RRM2B: variants seen among roughly 807,000 people sequenced by gnomAD.
RRM2B encodes ribonucleoside-diphosphate reductase subunit M2 B.
A neutral mutation model predicts 45.9 loss-of-function variants in RRM2B; 20 were observed. That is an observed-to-expected ratio of 0.44 (90% CI 0.31 to 0.63). RRM2B has a LOEUF of 0.63. Among genes scored for constraint, RRM2B ranks in the 30% least tolerant of loss-of-function variants. The pLI is 0.09. For synonymous variants in RRM2B, 124 were observed against 132.3 expected, an observed-to-expected ratio of 0.94 and a Z score of 0.43; for missense variants, 320 against 414.7, an observed-to-expected ratio of 0.77 and a Z score of 1.98.
intron 2 of RRM2B, among the ~76,000 whole-genome samples, chr8:102,228,948 T>A (rs1445596072): frequency 6.6e-6 from 1 of 152,232 alleles, no homozygotes; most frequent in Non-Finnish European, 1.5e-5. Context: ...CTTTTGCCTT[T>A]CTTTTATTTA....
chr8:102,221,412 A>C (rs1436460254), intron 5 of RRM2B, among the ~76,000 whole-genome samples: 4 of 152,198 alleles, frequency 2.6e-5, no homozygotes, highest in Non-Finnish European at 5.9e-5. Flanking sequence ...AGAGCTACTA[A>C]TGGTGCAGGT....
intron 2 of RRM2B, among the ~76,000 whole-genome samples, chr8:102,231,371 G>C (rs903653612): frequency 6.6e-6 from 1 of 152,174 alleles, no homozygotes; most frequent in African/African-American, 2.4e-5. Flanking sequence ...TGGCTGACTC[G>C]GGAGTGAGTC....
At chr8:102,220,814 A>G (rs1239387692) in intron 5 of RRM2B, among the ~76,000 whole-genome samples, 1 of 152,258 alleles carries the variant, frequency 6.6e-6, no homozygotes, top group African/African-American at 2.4e-5. Flanking sequence ...ATAGAAGGCT[A>G]TTCTTTTTTG....
chr8:102,204,588 T>C lies in RRM2B; in HGVS notation c.*3545A>G, dbSNP rs1563656951. On this transcript the variant is annotated 3_prime_UTR_variant, in exon 9 of 9. Transcript: ENST00000251810. ...AAGGAAATGTACAAAATGATGAAGA[T>C]ACCATAGTTTATTTCAACATACTAA... 2 of 151,646 alleles carry C rather than the reference T, an allele frequency of 1.3e-5. No homozygotes were observed. The highest frequency in any genetic ancestry group is 1.5e-5 in the Non-Finnish European group (1 of 67,890). 9.4% of individuals were successfully genotyped at this position (151,646 alleles called of 1,614,324 possible).
chr8:102,237,571 A>C (rs1031685071), intron 1 of RRM2B, among the ~76,000 whole-genome samples: 7 of 152,242 alleles, frequency 4.6e-5, no homozygotes, highest in African/African-American at 1.7e-4. Flanking sequence ...TCTCAAGTTA[A>C]AAACTTTTGG....
In RRM2B at chr8:102,238,599, G is replaced by A. The variant is rs752647130; in HGVS notation, c.48+228C>T. ...CCAAGCGTCGTCCTTGGCTGGCCCCGGGGCAGAGCAGCGAGCGGGACGCAA... is the reference window on the plus strand; with the variant it reads ...CCAAGCGTCGTCCTTGGCTGGCCCCAGGGCAGAGCAGCGAGCGGGACGCAA... On this transcript the variant is annotated intron_variant, in intron 1 of 8. Transcript: ENST00000251810. 26 of 1,526,984 alleles carry A rather than the reference G, an allele frequency of 1.7e-5. No homozygotes were observed. The highest frequency in any genetic ancestry group is 2.3e-5 in the Non-Finnish European group (26 of 1,141,682). The allele number at this position is 1,526,984 out of a possible 1,614,324, so 94.6% of individuals were successfully genotyped here.
At position 102,232,173 on chromosome 8, in the gene RRM2B, C is replaced by T; in HGVS notation, c.180G>A (p.Gln60=). 6.2e-7 allele frequency: 1 copy of T among 1,614,154 alleles called. No individual in the cohort carries two copies. The highest frequency in any genetic ancestry group is 8.5e-7 in the Non-Finnish European group (1 of 1,180,002). Residue 60 remains glutamine (Q), a synonymous_variant, in exon 2 of 9, where the codon CAG becomes CAA. Transcript: ENST00000251810. ...CCTCTTCTGCTGTCCAGAAGGAAGC[C>T]TGTGCCTGTTTATACATTTTCCAAA... ...PDIWKMYKQA[Q]ASFWTAEEVD...
intron 2 of RRM2B, among the ~76,000 whole-genome samples, chr8:102,231,404 T>C (rs879170848): frequency 6.6e-6 from 1 of 152,206 alleles, no homozygotes; most frequent in Admixed American, 6.5e-5. Flanking sequence ...GATCAAACTC[T>C]TCATGCAGCG....
intron 2 of RRM2B, among the ~76,000 whole-genome samples, chr8:102,231,764 G>C (rs1811032420): frequency 6.6e-6 from 1 of 150,960 alleles, no homozygotes; most frequent in East Asian, 1.9e-4. Context: ...AACTACTCAG[G>C]AAGCTGAGGC....
chr8:102,221,952 T>C (rs1324539851), intron 5 of RRM2B, among the ~76,000 whole-genome samples: 1 of 152,190 alleles, frequency 6.6e-6, no homozygotes, highest in Non-Finnish European at 1.5e-5. Flanking sequence ...GAATACAAAA[T>C]GCAGATTCCT....
chr8:102,207,955 C>G lies in RRM2B; in HGVS notation c.*178G>C, dbSNP rs1480554410. On this transcript the variant is annotated 3_prime_UTR_variant, in exon 9 of 9. Transcript: ENST00000251810. Reference sequence around the variant, plus strand: ...ACAAGACAAAAGCATTTAGGTCACACTCTTGTTGTTAAACAGGAAAATTAT... The same window carrying G: ...ACAAGACAAAAGCATTTAGGTCACAGTCTTGTTGTTAAACAGGAAAATTAT... 6 of 573,314 alleles carry G rather than the reference C, an allele frequency of 1.0e-5. No homozygotes were observed. Among genetic ancestry groups the G allele is most frequent in the Non-Finnish European group, 1.8e-5 (6 of 324,864 alleles). The allele number at this position is 573,314 out of a possible 1,614,324, so 35.5% of individuals were successfully genotyped here. A position where few individuals can be genotyped will look rare whatever the true frequency, so the allele number is the denominator to read the frequency against.
intron 5 of RRM2B, among the ~76,000 whole-genome samples, chr8:102,221,116 AAAATTAAAC>A (rs1810828298): frequency 6.6e-6 from 1 of 152,192 alleles, no homozygotes; most frequent in Non-Finnish European, 1.5e-5. Context: ...AGATATTTTA[AAAATTAAAC>A]AGGATGTCTC....
intron 2 of RRM2B, among the ~76,000 whole-genome samples, chr8:102,228,682 A>C (rs943747891): frequency 6.6e-6 from 1 of 152,222 alleles, no homozygotes; most frequent in Non-Finnish European, 1.5e-5. Context: ...GCCGGTGCCC[A>C]AAAGAATTCA....
At chr8:102,237,468 AT>A (rs1217336464) in intron 1 of RRM2B, among the ~76,000 whole-genome samples, 1 of 152,196 alleles carries the variant, frequency 6.6e-6, no homozygotes, top group Non-Finnish European at 1.5e-5. Context: ...AGCAATTTAC[AT>A]TTTTTACAAA....
In RRM2B at chr8:102,230,200, C is replaced by A. The variant is rs1012782865; in HGVS notation, c.204+1949G>T. ...GCCATATTTAAGAATTAAGCTCAAC[C>A]ATTTAAGCTGACTAAATGGTAACTT... is the stretch of plus-strand genomic sequence containing the variant. On this transcript the variant is annotated intron_variant, in intron 2 of 8. Transcript: ENST00000251810. 2.6e-5 allele frequency among the ~76,000 whole-genome samples: 4 copies of A among 152,162 alleles called. No individual in the cohort carries two copies. The East Asian group carries it at 5.8e-4, about 22-fold the overall frequency.
intron 7 of RRM2B, among the ~76,000 whole-genome samples, 199 bp from the exon 8 acceptor site, chr8:102,213,088 GT>G (rs746370799): frequency 3.3e-5 from 5 of 152,030 alleles, no homozygotes; most frequent in Non-Finnish European, 5.9e-5. Context: ...ATTTTTTCAT[GT>G]TTTCGAAGAG....
chr8:102,207,211 G>A lies in RRM2B; in HGVS notation c.*922C>T, dbSNP rs769567494. ...CTGACTGTACTTGCTAAAGAAGAATGAAGTGTTCAGCATTTCCCAAACTCA... is the reference window on the plus strand; with the variant it reads ...CTGACTGTACTTGCTAAAGAAGAATAAAGTGTTCAGCATTTCCCAAACTCA... On this transcript the variant is annotated 3_prime_UTR_variant, in exon 9 of 9. Transcript: ENST00000251810. 6.6e-6 allele frequency: 1 copy of A among 152,176 alleles called. No individual in the cohort carries two copies. Among genetic ancestry groups the A allele is most frequent in the Non-Finnish European group, 1.5e-5 (1 of 68,018 alleles). 9.4% of individuals were successfully genotyped at this position (152,176 alleles called of 1,614,324 possible).
chr8:102,225,095 A>T (rs1810907332), intron 3 of RRM2B, 77 bp from the exon 4 acceptor site: 2 of 1,504,220 alleles, frequency 1.3e-6, no homozygotes, highest in African/African-American at 1.4e-5. Flanking sequence ...TCTGGACATC[A>T]GCATTATCGC....
At position 102,224,925 on chromosome 8, in the gene RRM2B, T is replaced by C. The variant is rs747351012; in HGVS notation, c.415A>G (p.Ser139Gly). ...CTGATGTAAGTGTCTATCAGCAAAC[T>C]GTACATCTCTGAGTGAACATTCTCG... ...LIENVHSEMY[S>G]LLIDTYIRDP... Residue 139 changes from serine (S) to glycine (G), a missense_variant, in exon 4 of 9, where the codon AGT (serine) becomes GGT (glycine). Ser to Gly is a moderately conservative substitution (Grantham distance 56, BLOSUM62 0). Around this residue, in one of 3 missense-constraint regions of RRM2B, gnomAD observed 225 missense variants for 289.4 expected, o/e 0.78. Coordinates refer to ENST00000251810, the MANE Select transcript of RRM2B (RefSeq NM_015713.5). 1 of 1,613,882 alleles carries C rather than the reference T, an allele frequency of 6.2e-7. No homozygotes were observed. The highest frequency in any genetic ancestry group is 2.2e-5 in the East Asian group (1 of 44,874).
Sources: allele counts gnomAD v4.1 joint callset (sites outside exome capture counted in the v4.1 genomes callset), GRCh38; gene constraint gnomAD v4.1.1; regional missense constraint gnomAD v4.1.1; transcripts MANE v1.5; gene names NCBI Gene and HGNC (gene_info 2026-07-23, HGNC 2026-07-21).